Variants in ERGIC3 observed in about 807,000 individuals in gnomAD.
The protein encoded by ERGIC3 is ERGIC and golgi 3.
Under a neutral mutation model 54.7 loss-of-function variants are expected in ERGIC3, and 33 were observed. That is an observed-to-expected ratio of 0.60 (90% CI 0.46 to 0.81). ERGIC3 has a LOEUF of 0.81. Ranked by LOEUF, ERGIC3 falls within the 30% of genes least tolerant of loss-of-function variation. The pLI, the probability that ERGIC3 is intolerant of heterozygous loss-of-function variation, is 0.00. For missense variants in ERGIC3, 399 were observed against 488.4 expected, an observed-to-expected ratio of 0.82 and a Z score of 1.73; for synonymous variants, 186 against 189.8, an observed-to-expected ratio of 0.98 and a Z score of 0.16.
rs760358675 is a variant in ERGIC3 at position 35,548,861 on chromosome 20, G to A, written c.681G>A (p.Val227=). The change falls in exon 7 of 13, where the codon GTG becomes GTA. Residue 227 remains valine (V), a synonymous_variant. Coordinates refer to ENST00000348547, the MANE Select transcript of ERGIC3 (RefSeq NM_015966.3). ...GGAAGAGCTTCCAGCAGTCCCATGT[G>A]CACGGTGAGTGATCTGCACTAGCTG... The part of the protein sequence containing the change: ...APGKSFQQSH[V]HVHDLQSFGL... 2.5e-6 allele frequency: 4 copies of A among 1,614,186 alleles called. No individual in the cohort carries two copies. Among genetic ancestry groups the A allele is most frequent in the Middle Eastern group, 1.6e-4 (1 of 6,062 alleles).
intron 8 of ERGIC3, among the ~76,000 whole-genome samples, chr20:35,555,761 C>G (rs536703189): frequency 6.9e-6 from 1 of 145,576 alleles, no homozygotes; most frequent in South Asian, 2.2e-4. Context: ...TGCAGTGAGC[C>G]AAGATCATGC....
chr20:35,543,434 CAGT>C (rs2064628537), intron 4 of ERGIC3: 2 of 354,390 alleles, frequency 5.6e-6, no homozygotes, highest in Non-Finnish European at 1.1e-5. Context: ...GGTAATAAAA[CAGT>C]AGTACCAACC....
At chr20:35,546,979 T>C (rs1245274651) in intron 4 of ERGIC3, among the ~76,000 whole-genome samples, 3 of 151,504 alleles carry the variant, frequency 2.0e-5, no homozygotes, top group African/African-American at 7.3e-5. Flanking sequence ...GAGGGAGAGG[T>C]GTGAGGAGAA....
chr20:35,548,887 G>A (rs752245559), intron 7 of ERGIC3, 22 bp downstream of exon 7: 11 of 1,613,804 alleles, frequency 6.8e-6, no homozygotes, highest in Non-Finnish European at 9.3e-6. Context: ...GCACTAGCTG[G>A]GGAGATTTAG....
At chr20:35,542,634 C>A (rs1319890397) in intron 3 of ERGIC3, 34 bp downstream of exon 3, 1 of 1,611,956 alleles carries the variant, frequency 6.2e-7, no homozygotes, top group Non-Finnish European at 8.5e-7. Flanking sequence ...ACTGGAGAGA[C>A]CCAGGGTTCT....
intron 4 of ERGIC3, chr20:35,544,013 A>ACTAT (rs11468676): frequency 0.023 from 4,234 of 187,834 alleles, 48 homozygotes; most frequent in East Asian, 0.03. Context: ...TGAAGAATCT[A>ACTAT]CTATCTATCT....
chr20:35,556,772 TG>T, intron 10 of ERGIC3, 200 bp from the exon 11 acceptor site: 1 of 681,758 alleles, frequency 1.5e-6, no homozygotes, highest in Non-Finnish European at 2.5e-6. Flanking sequence ...ACTTGGCACC[TG>T]GAGGGGAAGG....
Position 35,555,077 on chromosome 20 carries a change from T to A in ERGIC3, c.717+2T>A. ...TTGCAGAGCTTTGGCCTTGACAACG[T>A]ACGTACCAGATGGAAACCATGGAGG... On this transcript the variant is annotated splice_donor_variant, in intron 8 of 12. Transcript: ENST00000348547. LOFTEE classifies it high-confidence loss of function. The A allele has an allele frequency of 6.2e-7, 1 of 1,609,804 alleles. No individual in the cohort carries two copies. The highest frequency in any genetic ancestry group is 8.5e-7 in the Non-Finnish European group (1 of 1,178,748).
chr20:35,547,582 G>A, intron 5 of ERGIC3, 77 bp downstream of exon 5: 1 of 1,367,708 alleles, frequency 7.3e-7, no homozygotes, highest in Non-Finnish European at 1.0e-6. Flanking sequence ...GTCAGACTGT[G>A]GCAGGTGGGG....
chr20:35,555,099 G>C (rs749441994), intron 8 of ERGIC3, 24 bp downstream of exon 8: 3 of 1,613,080 alleles, frequency 1.9e-6, no homozygotes, highest in Non-Finnish European at 2.5e-6. Context: ...GGAAACCATG[G>C]AGGGCAGGTG....
chr20:35,543,165 C>T, intron 4 of ERGIC3: 4 of 502,002 alleles, frequency 8.0e-6, no homozygotes, highest in Non-Finnish European at 1.4e-5. Flanking sequence ...TCTCAGAGGT[C>T]CTCAATACCT....
chr20:35,552,961 T>G (rs1297886114), intron 7 of ERGIC3, among the ~76,000 whole-genome samples: 1 of 147,660 alleles, frequency 6.8e-6, no homozygotes, highest in East Asian at 2.0e-4. Context: ...AGGTTCCATA[T>G]CGATATCTAG....
intron 10 of ERGIC3, chr20:35,556,489 G>A (rs1397328460): frequency 6.9e-5 from 40 of 581,814 alleles, no homozygotes; most frequent in South Asian, 3.7e-4. Context: ...TGCCCTCACC[G>A]CTTCTATCCG....
intron 5 of ERGIC3, 97 bp downstream of exon 5, chr20:35,547,602 C>G: frequency 9.0e-7 from 1 of 1,112,210 alleles, no homozygotes; most frequent in Non-Finnish European, 1.3e-6. Flanking sequence ...GAGGTCAGAC[C>G]AAGAATCTAG....
Position 35,557,555 on chromosome 20 carries a change from C to A in ERGIC3, c.*51C>A, listed in dbSNP as rs1458987860. ...CTCTTTCTCCCTGGCCTGTGGTTGTCCCCCAGCCTCTGCCACCCTCCACCT... is the reference window on the plus strand; with the variant it reads ...CTCTTTCTCCCTGGCCTGTGGTTGTACCCCAGCCTCTGCCACCCTCCACCT... On this transcript the variant is annotated 3_prime_UTR_variant, in exon 13 of 13. Coordinates refer to ENST00000348547, the MANE Select transcript of ERGIC3 (RefSeq NM_015966.3). 1 of 1,532,260 alleles carries A rather than the reference C, an allele frequency of 6.5e-7. No individual in the cohort carries two copies. Among genetic ancestry groups the A allele is most frequent in the African/African-American group, 1.4e-5 (1 of 73,424 alleles). 94.9% of individuals were successfully genotyped at this position (1,532,260 alleles called of 1,614,324 possible).
chr20:35,553,397 A>G (rs75674566), intron 7 of ERGIC3, among the ~76,000 whole-genome samples: 4,303 of 152,058 alleles, frequency 0.028, 195 homozygotes, highest in African/African-American at 0.097. Flanking sequence ...AGATAGTCGC[A>G]CGTTGAGGGG....
intron 4 of ERGIC3, chr20:35,545,299 T>TG (rs1292481900): frequency 6.6e-6 from 1 of 152,076 alleles, no homozygotes; most frequent in Admixed American, 6.5e-5. Context: ...GGCTCACGCC[T>TG]GTAGTCCCAG....
chr20:35,542,910 C>T lies in ERGIC3; in HGVS notation c.336C>T (p.Gly112=), dbSNP rs756746779. ...TCAAGCAACGACTAGATAAAGATGGCATCCCCGTGAGCTCAGAGGCTGAGC... is the reference window on the plus strand; with the variant it reads ...TCAAGCAACGACTAGATAAAGATGGTATCCCCGTGAGCTCAGAGGCTGAGC... The part of the protein sequence containing the change: ...NLFKQRLDKD[G]IPVSSEAERH... The change falls in exon 4 of 13, where the codon GGC becomes GGT. Residue 112 remains glycine (G), a synonymous_variant. Coordinates refer to ENST00000348547, the MANE Select transcript of ERGIC3 (RefSeq NM_015966.3). 8 of 1,614,094 alleles carry T rather than the reference C, an allele frequency of 5.0e-6. No homozygotes were observed. The South Asian group carries it at 7.7e-5, about 16-fold the overall frequency.
chr20:35,548,413 C>T, intron 5 of ERGIC3, 96 bp from the exon 6 acceptor site: 27 of 1,344,856 alleles, frequency 2.0e-5, no homozygotes, highest in Non-Finnish European at 2.7e-5. Flanking sequence ...GCAGAGCCTT[C>T]ATTAGCAGGC....
Sources: allele counts gnomAD v4.1 joint callset (sites outside exome capture counted in the v4.1 genomes callset), GRCh38; gene constraint gnomAD v4.1.1; transcripts MANE v1.5; gene names NCBI Gene and HGNC (gene_info 2026-07-23, HGNC 2026-07-21).